The following WWOX variants were observed in gnomAD, a reference collection of about 807,000 sequenced individuals.
WWOX encodes the protein WW domain containing oxidoreductase.
In WWOX, 69 loss-of-function variants were observed where a neutral mutation model predicts 46.2. That is an observed-to-expected ratio of 1.49 (90% CI 1.23 to 1.82). The LOEUF (loss-of-function observed/expected upper bound fraction) is 1.82. WWOX is among the 40% of genes most tolerant of loss of function. The pLI is 0.00. For missense variants in WWOX, 919 were observed against 542.6 expected (o/e 1.69, Z -6.89); for synonymous variants, 359 against 202.6 (o/e 1.77, Z -6.56).
At chr16:79,130,608 C>T (rs1359591210) in intron 8 of WWOX, among the ~76,000 whole-genome samples, 1 of 152,194 alleles carries the variant, frequency 6.6e-6, no homozygotes, top group Non-Finnish European at 1.5e-5. Context: ...AGGTTGCCCC[C>T]ATGGAGTTGA....
intron 6 of WWOX, among the ~76,000 whole-genome samples, chr16:78,398,913 T>A (rs1166748270): frequency 2.0e-5 from 3 of 152,228 alleles, no homozygotes; most frequent in Admixed American, 6.5e-5. Context: ...TTGCAATTAT[T>A]ACATTTACTG....
chr16:79,211,157 A>G (rs2051729925), intron 8 of WWOX, among the ~76,000 whole-genome samples: 1 of 151,948 alleles, frequency 6.6e-6, no homozygotes, highest in South Asian at 2.1e-4. Context: ...TGGGTTTTCT[A>G]CCTGATGGAC....
At chr16:78,538,890 A>G (rs767717433) in intron 8 of WWOX, among the ~76,000 whole-genome samples, 2 of 152,202 alleles carry the variant, frequency 1.3e-5, no homozygotes, top group Non-Finnish European at 2.9e-5. Context: ...ATGCATTTGA[A>G]AACTTACCTT....
intron 8 of WWOX, among the ~76,000 whole-genome samples, chr16:78,639,618 C>T (rs1289634639): frequency 1.3e-5 from 2 of 151,296 alleles, no homozygotes; most frequent in Non-Finnish European, 2.9e-5. Context: ...GGCTGGGGTG[C>T]AATGGTATGA....
At chr16:78,335,311 C>A (rs144342192) in intron 5 of WWOX, among the ~76,000 whole-genome samples, 1 of 152,100 alleles carries the variant, frequency 6.6e-6, no homozygotes, top group African/African-American at 2.4e-5. Flanking sequence ...TGTGTGTTAT[C>A]CGCCTCCACC....
At chr16:78,893,796 T>A (rs190620194) in intron 8 of WWOX, among the ~76,000 whole-genome samples, 75 of 152,206 alleles carry the variant, frequency 4.9e-4, no homozygotes, top group African/African-American at 1.8e-3. Context: ...CTCACCTTCA[T>A]CGATCACACT....
At chr16:79,062,711 G>GT (rs1347473934) in intron 8 of WWOX, among the ~76,000 whole-genome samples, 1 of 152,128 alleles carries the variant, frequency 6.6e-6, no homozygotes, top group Non-Finnish European at 1.5e-5. Flanking sequence ...GTACCTCCTG[G>GT]TTTTCAGCCT....
chr16:78,784,703 C>G (rs777380262), intron 8 of WWOX, among the ~76,000 whole-genome samples: 52 of 152,136 alleles, frequency 3.4e-4, no homozygotes, highest in Admixed American at 2.2e-3. Context: ...GTTTTAGCTG[C>G]CCCCAGTCAG....
At chr16:78,545,481 T>C (rs2044007158) in intron 8 of WWOX, among the ~76,000 whole-genome samples, 1 of 152,158 alleles carries the variant, frequency 6.6e-6, no homozygotes, top group Admixed American at 6.5e-5. Context: ...GTCTCCTGAG[T>C]AGCTGGGACG....
chr16:78,553,981 G>A (rs1271307730), intron 8 of WWOX, among the ~76,000 whole-genome samples: 4 of 152,110 alleles, frequency 2.6e-5, no homozygotes, highest in African/African-American at 7.2e-5. Flanking sequence ...GCTCTACTGA[G>A]GAGTGGAAGT....
intron 4 of WWOX, among the ~76,000 whole-genome samples, chr16:78,143,445 C>T (rs775860649): frequency 6.6e-6 from 1 of 152,106 alleles, no homozygotes; most frequent in Non-Finnish European, 1.5e-5. Context: ...CCAAATCCAG[C>T]CCCCCGAGGC....
intron 8 of WWOX, among the ~76,000 whole-genome samples, chr16:78,749,590 G>A (rs1016331421): frequency 3.9e-5 from 6 of 152,172 alleles, no homozygotes; most frequent in Non-Finnish European, 7.3e-5. Context: ...GGGAAAAAAA[G>A]TGGAGGATAT....
chr16:79,060,557 T>C lies in WWOX; in HGVS notation c.1057-151051T>C, dbSNP rs948962323. Among the ~76,000 whole-genome samples the C allele has an allele frequency of 2.0e-5, 3 of 152,260 alleles. No individual in the cohort carries two copies. The East Asian group carries it at 5.8e-4, about 29-fold the overall frequency. On this transcript the variant is annotated intron_variant, in intron 8 of 8. Coordinates refer to ENST00000566780, the MANE Select transcript of WWOX (RefSeq NM_016373.4). ...GACTGGTGATGAATAGCAAGATTGC[T>C]CCCTTCTAAGGGCTTGGCAAACCAA...
chr16:79,038,108 C>T (rs1031598851), intron 8 of WWOX, among the ~76,000 whole-genome samples: 4 of 152,144 alleles, frequency 2.6e-5, no homozygotes, highest in Admixed American at 2.6e-4. Context: ...TGGGAGAGTG[C>T]AGGATCCAGT....
chr16:78,795,717 C>G (rs534251083), intron 8 of WWOX, among the ~76,000 whole-genome samples: 2 of 152,188 alleles, frequency 1.3e-5, no homozygotes, highest in East Asian at 3.9e-4. Flanking sequence ...TTCTAGTGGG[C>G]AAGTCTCATA....
At chr16:79,033,282 A>G (rs951123797) in intron 8 of WWOX, among the ~76,000 whole-genome samples, 42 of 147,870 alleles carry the variant, frequency 2.8e-4, no homozygotes, top group Admixed American at 2.0e-4. Flanking sequence ...CCAAATATTT[A>G]TATATATATA....
chr16:78,349,495 C>G (rs372128418), intron 5 of WWOX, among the ~76,000 whole-genome samples: 3 of 120,376 alleles, frequency 2.5e-5, no homozygotes, highest in South Asian at 5.0e-4. Flanking sequence ...TAATCCTTGC[C>G]CCACCCTTTA....
intron 8 of WWOX, among the ~76,000 whole-genome samples, chr16:79,160,606 A>G (rs1351890524): frequency 1.3e-5 from 2 of 152,068 alleles, no homozygotes; most frequent in Non-Finnish European, 2.9e-5. Context: ...ATTTTATTTC[A>G]TTTATTCTTT....
intron 8 of WWOX, among the ~76,000 whole-genome samples, chr16:78,646,574 T>C (rs977066674): frequency 6.6e-6 from 1 of 152,034 alleles, no homozygotes; most frequent in African/African-American, 2.4e-5. Flanking sequence ...ATTACACGTA[T>C]GTACCACTAC....
Sources: gnomAD v4.1 joint callset for allele counts (sites outside exome capture counted in the v4.1 genomes callset) on GRCh38, gnomAD v4.1.1 for gene constraint, MANE v1.5 for transcripts, NCBI Gene and HGNC (gene_info 2026-07-23, HGNC 2026-07-21) for gene names.